The following KANTR variants were observed in gnomAD, a reference collection of about 807,000 sequenced individuals.
KANTR encodes the protein KANTR integral membrane protein.
downstream of KANTR, among the ~76,000 whole-genome samples, chrX:53,130,331 G>A (rs138162756): frequency 1.2e-3 from 133 of 112,318 alleles, 1 homozygote; most frequent in African/African-American, 4.1e-3. Flanking sequence ...GCCCTCTACT[G>A]TGTGCAAACA....
At chrX:53,115,428 G>A (rs1225386072) in intron 2 of KANTR, among the ~76,000 whole-genome samples, 2 of 112,162 alleles carry the variant, frequency 1.8e-5, no homozygotes, top group East Asian at 2.8e-4. Context: ...TGGGACCCAC[G>A]GCCACCTGGG....
At chrX:53,142,645 T>C (rs782194241) in exon 3 of KANTR, 12 of 331,392 alleles carry the variant, frequency 3.6e-5, no homozygotes, top group Admixed American at 1.9e-4. Context: ...TATTCCAGTT[T>C]TGTGAGGCTA....
chrX:53,125,452 A>G (rs1165119163), exon 3 of KANTR: 5 of 110,630 alleles, frequency 4.5e-5, no homozygotes, highest in Admixed American at 9.6e-5. Flanking sequence ...TACCATCACT[A>G]CCTTTTCTGT....
At chrX:53,097,388 T>C (rs181424600) in intron 1 of KANTR, among the ~76,000 whole-genome samples, 262 of 94,249 alleles carry the variant, frequency 2.8e-3, no homozygotes, top group African/African-American at 9.6e-3. Context: ...AATCTCACTC[T>C]GTCACCCAGG....
intron 2 of KANTR, among the ~76,000 whole-genome samples, chrX:53,102,738 A>G (rs1444495876): frequency 9.0e-6 from 1 of 111,657 alleles, no homozygotes; most frequent in Non-Finnish European, 1.9e-5. Flanking sequence ...ACCACTCTGT[A>G]TCATCATATA....
downstream of KANTR, among the ~76,000 whole-genome samples, chrX:53,145,719 C>T (rs1330396008): frequency 8.9e-6 from 1 of 112,229 alleles, no homozygotes; most frequent in Non-Finnish European, 1.9e-5. Flanking sequence ...GGTCCCTGAC[C>T]CCCGAGTAGC....
rs782214294 is a variant in KANTR at position 53,139,692 on chromosome X, G to A, written n.204-2156G>A. Among the ~76,000 whole-genome samples the A allele has an allele frequency of 1.3e-4, 14 of 111,630 alleles. No individual in the cohort carries two copies. In the East Asian group the frequency reaches 3.1e-3, roughly 25 times the overall value. On this transcript the variant is annotated intron_variant and non_coding_transcript_variant, in intron 2 of 2. Transcript: ENST00000366185. ...TTTTTTAAATTACCTGGTTGTGGTG[G>A]CACATGCCAGTCATCCTAGCTACTT... is the stretch of plus-strand genomic sequence containing the variant.
intron 2 of KANTR, among the ~76,000 whole-genome samples, chrX:53,119,784 A>T (rs1235751472): frequency 9.5e-6 from 1 of 105,759 alleles, no homozygotes; most frequent in Non-Finnish European, 2.0e-5. Context: ...CAGTGGTGTG[A>T]TCTTGGCTCA....
chrX:53,140,493 T>G (rs1602129380), intron 2 of KANTR, among the ~76,000 whole-genome samples: 1 of 89,122 alleles, frequency 1.1e-5, no homozygotes, highest in African/African-American at 4.9e-5. Context: ...GGAGTGAGAC[T>G]CTGTCTCAAA....
chrX:53,146,219 A>C (rs1181073393), downstream of KANTR, among the ~76,000 whole-genome samples: 1 of 111,812 alleles, frequency 8.9e-6, no homozygotes, highest in African/African-American at 3.3e-5. Flanking sequence ...AGTTCGAACC[A>C]ATGGCAAAGA....
At chrX:53,120,717 T>C (rs1286971742) in intron 2 of KANTR, among the ~76,000 whole-genome samples, 4 of 110,661 alleles carry the variant, frequency 3.6e-5, no homozygotes, top group African/African-American at 1.3e-4. Context: ...TTTATTTTAT[T>C]TATTTATTAT....
intron 2 of KANTR, among the ~76,000 whole-genome samples, chrX:53,103,335 A>G (rs1556812188): frequency 9.9e-5 from 11 of 110,997 alleles, no homozygotes; most frequent in Non-Finnish European, 1.9e-5. Flanking sequence ...AGTTTCAGGC[A>G]TCCTGTTCTC....
At chrX:53,140,346 C>T (rs185632595) in intron 2 of KANTR, among the ~76,000 whole-genome samples, 326 of 110,572 alleles carry the variant, frequency 2.9e-3, no homozygotes, top group Non-Finnish European at 3.5e-3. Context: ...ACCAAAAATG[C>T]AAAACTTAGC....
At chrX:53,136,736 T>C (rs1382218191) in intron 2 of KANTR, among the ~76,000 whole-genome samples, 1 of 29,279 alleles carries the variant, frequency 3.4e-5, no homozygotes, top group Non-Finnish European at 9.9e-5. Context: ...ATATATTTTG[T>C]TTGTTTGTTT....
intron 2 of KANTR, among the ~76,000 whole-genome samples, chrX:53,119,031 C>T (rs1322422109): frequency 3.2e-5 from 3 of 93,240 alleles, no homozygotes; most frequent in African/African-American, 1.1e-4. Context: ...AGTAGAAATT[C>T]TTATTTTTCT....
chrX:53,134,378 T>G (rs1933395549), intron 2 of KANTR, among the ~76,000 whole-genome samples: 1 of 110,102 alleles, frequency 9.1e-6, no homozygotes, highest in Non-Finnish European at 1.9e-5. Context: ...AAAAAAAAAT[T>G]TTTCCGCAAA....
At chrX:53,113,633 G>C (rs1933077397) in intron 2 of KANTR, among the ~76,000 whole-genome samples, 1 of 97,944 alleles carries the variant, frequency 1.0e-5, no homozygotes, top group East Asian at 3.2e-4. Flanking sequence ...AGGCTGGAGT[G>C]CAGTGGCGCG....
chrX:53,100,666 C>T (rs1315374769), intron 2 of KANTR, among the ~76,000 whole-genome samples: 2 of 109,211 alleles, frequency 1.8e-5, no homozygotes, highest in Admixed American at 9.9e-5. Context: ...GGCGTGGTGG[C>T]GGGCACCTGT....
chrX:53,099,869 C>A (rs1023496439), intron 2 of KANTR, among the ~76,000 whole-genome samples: 7 of 112,102 alleles, frequency 6.2e-5, no homozygotes, highest in Non-Finnish European at 1.3e-4. Context: ...TGAATGGAAT[C>A]TTTTTATCTG....
Sources: gnomAD v4.1 joint callset for allele counts (sites outside exome capture counted in the v4.1 genomes callset) on GRCh38, gnomAD v4.1.1 for gene constraint, MANE v1.5 for transcripts, NCBI Gene and HGNC (gene_info 2026-07-23, HGNC 2026-07-21) for gene names.